Variants in PPEF1 observed in about 807,000 individuals in gnomAD.
The protein encoded by PPEF1 is serine/threonine-protein phosphatase with EF-hands 1.
Under a neutral mutation model 53.3 loss-of-function variants are expected in PPEF1, and 12 were observed. That is an observed-to-expected ratio of 0.23 (90% CI 0.14 to 0.36). The LOEUF is 0.36. PPEF1 is among the 10% of genes least tolerant of loss of function. The probability of loss-of-function intolerance (pLI) is 1.00; values close to 1 mark genes in which losing one functional copy is unlikely to be tolerated. For missense variants in PPEF1, 334 were observed against 490.4 expected, an observed-to-expected ratio of 0.68 and a Z score of 3.01; for synonymous variants, 165 against 176.7, an observed-to-expected ratio of 0.93 and a Z score of 0.52.
intron 3 of PPEF1, among the ~76,000 whole-genome samples, chrX:18,749,214 T>G (rs2045390418): frequency 8.9e-6 from 1 of 111,939 alleles, no homozygotes; most frequent in African/African-American, 3.2e-5. Flanking sequence ...GCCTGTGATT[T>G]GTCCTTTAAC....
chrX:18,803,654 A>T (rs901355390), intron 10 of PPEF1, among the ~76,000 whole-genome samples: 10 of 111,319 alleles, frequency 9.0e-5, no homozygotes, highest in African/African-American at 3.3e-4. Flanking sequence ...TTGAGGTCTC[A>T]CCATGTTGCC....
At chrX:18,793,303 A>T (rs975913730) in intron 10 of PPEF1, among the ~76,000 whole-genome samples, 2 of 110,524 alleles carry the variant, frequency 1.8e-5, no homozygotes, top group Admixed American at 2.0e-4. Context: ...GATTTCTTTA[A>T]CTTATCTGTT....
At chrX:18,696,687 A>T (rs924665711) in intron 4 of PPEF1, among the ~76,000 whole-genome samples, 7 of 111,614 alleles carry the variant, frequency 6.3e-5, no homozygotes, top group African/African-American at 2.3e-4. Flanking sequence ...AAGCTACCCC[A>T]GTTTTGGAGA....
chrX:18,755,806 T>C (rs1020062680), intron 4 of PPEF1, among the ~76,000 whole-genome samples: 12 of 111,495 alleles, frequency 1.1e-4, no homozygotes, highest in African/African-American at 3.9e-4. Flanking sequence ...GTACAATATA[T>C]GTGGCCTTTT....
At chrX:18,750,229 T>A (rs187898446) in intron 4 of PPEF1, among the ~76,000 whole-genome samples, 257 of 111,694 alleles carry the variant, frequency 2.3e-3, no homozygotes, top group Non-Finnish European at 3.0e-3. Flanking sequence ...AGTGACTTTT[T>A]CACGCATTCA....
In PPEF1 at chrX:18,730,285, G is replaced by A; in HGVS notation, c.151G>A (p.Ala51Thr). The change falls in exon 2 of 16, where the codon GCT (alanine) becomes ACT (threonine). Residue 51 changes from alanine (A) to threonine (T), a missense_variant. Ala to Thr is a moderately conservative substitution (Grantham distance 58). Coordinates refer to ENST00000470157, the MANE Select transcript of PPEF1 (RefSeq NM_001377996.1). Reference sequence around the variant, plus strand: ...CACCATCTTCCAGTCCATCGAATATGCTGATGAACAAGGCCAAATGCAGGT... The same window carrying A: ...CACCATCTTCCAGTCCATCGAATATACTGATGAACAAGGCCAAATGCAGGT... ...ALTIFQSIEYADEQGQMQLST... is the reference protein window; with the variant it reads ...ALTIFQSIEYTDEQGQMQLST... 1.7e-6 allele frequency: 2 copies of A among 1,209,683 alleles called. No individual in the cohort carries two copies. Among genetic ancestry groups the A allele is most frequent in the Non-Finnish European group, 2.2e-6 (2 of 894,113 alleles).
intron 1 of PPEF1, among the ~76,000 whole-genome samples, chrX:18,713,841 T>G (rs1173086315): frequency 1.8e-5 from 2 of 112,086 alleles, no homozygotes; most frequent in African/African-American, 6.5e-5. Context: ...TAAAATGTTA[T>G]GTAAACATTT....
At chrX:18,701,522 A>G (rs1003266016) in intron 6 of PPEF1, among the ~76,000 whole-genome samples, 2 of 112,570 alleles carry the variant, frequency 1.8e-5, no homozygotes, top group African/African-American at 6.5e-5. Context: ...ACTGAGGTAC[A>G]GGGGAATTAA....
At chrX:18,746,381 G>A (rs930939228) in intron 3 of PPEF1, among the ~76,000 whole-genome samples, 10 of 111,976 alleles carry the variant, frequency 8.9e-5, no homozygotes, top group South Asian at 3.7e-4. Context: ...ATGATTTGAC[G>A]TTGACTAATA....
chrX:18,793,001 TA>T (rs2046351704), intron 10 of PPEF1, among the ~76,000 whole-genome samples: 1 of 110,029 alleles, frequency 9.1e-6, no homozygotes, highest in South Asian at 3.9e-4. Context: ...GAACTGGCCT[TA>T]TGTTCCCTGC....
chrX:18,786,747 C>T (rs186595910), intron 9 of PPEF1, among the ~76,000 whole-genome samples: 84 of 99,013 alleles, frequency 8.5e-4, no homozygotes, highest in African/African-American at 2.7e-3. Context: ...CAAGCCACTG[C>T]ACTCCAGCCT....
chrX:18,688,461 A>G (rs1160182088), intron 3 of PPEF1, among the ~76,000 whole-genome samples: 1 of 112,979 alleles, frequency 8.9e-6, no homozygotes, highest in East Asian at 2.8e-4. Flanking sequence ...ATTGCTTCTC[A>G]TTAGTTACAT....
At chrX:18,814,856 T>A (rs1015707066) in intron 12 of PPEF1, among the ~76,000 whole-genome samples, 2 of 112,105 alleles carry the variant, frequency 1.8e-5, no homozygotes, top group Non-Finnish European at 1.9e-5. Context: ...TTAGTTCTCA[T>A]TTGTCAATGT....
chrX:18,723,622 T>C (rs900940397), intron 1 of PPEF1, among the ~76,000 whole-genome samples: 2 of 111,404 alleles, frequency 1.8e-5, no homozygotes, highest in African/African-American at 6.5e-5. Flanking sequence ...AAAATGAAGT[T>C]CCTAGCTAAT....
At chrX:18,737,707 A>G (rs1347882430) in intron 3 of PPEF1, among the ~76,000 whole-genome samples, 2 of 110,618 alleles carry the variant, frequency 1.8e-5, no homozygotes, top group Non-Finnish European at 3.8e-5. Flanking sequence ...TGATCTGTCT[A>G]ATGTTGACAG....
intron 4 of PPEF1, among the ~76,000 whole-genome samples, chrX:18,753,287 T>C (rs988145684): frequency 5.4e-5 from 6 of 111,998 alleles, no homozygotes; most frequent in African/African-American, 1.9e-4. Context: ...TGGTGTACAA[T>C]TGTTCATAGT....
At chrX:18,754,309 T>C (rs2045502609) in intron 4 of PPEF1, among the ~76,000 whole-genome samples, 1 of 111,573 alleles carries the variant, frequency 9.0e-6, no homozygotes, top group Non-Finnish European at 1.9e-5. Flanking sequence ...GATTTGTCAA[T>C]GTTTTTGTGG....
intron 6 of PPEF1, among the ~76,000 whole-genome samples, chrX:18,769,587 T>A: frequency 8.9e-6 from 1 of 111,737 alleles, no homozygotes; most frequent in African/African-American, 3.3e-5. Context: ...CCTGATGCTA[T>A]CCAGTGGAAG....
chrX:18,806,379 C>T, intron 11 of PPEF1, 24 bp from the exon 12 acceptor site: 1 of 1,189,525 alleles, frequency 8.4e-7, no homozygotes, highest in African/African-American at 1.7e-5. Flanking sequence ...TTACGTGAAC[C>T]TGACCCTCTT....
Sources: allele counts gnomAD v4.1 joint callset (sites outside exome capture counted in the v4.1 genomes callset), GRCh38; gene constraint gnomAD v4.1.1; transcripts MANE v1.5; gene names NCBI Gene and HGNC (gene_info 2026-07-23, HGNC 2026-07-21).